Variants in CTBP2 observed in about 807,000 individuals in gnomAD.
CTBP2 encodes C-terminal binding protein 2, also known as C-terminal-binding protein 2.
In CTBP2, 30 loss-of-function variants were observed where a neutral mutation model predicts 80.3. The ratio of observed to expected loss-of-function variants is 0.37; its 90% CI spans 0.28 to 0.51. CTBP2 has a LOEUF of 0.51. Ranked by LOEUF, CTBP2 falls within the 20% of genes least tolerant of loss-of-function variation. The pLI is 0.93. For synonymous variants in CTBP2, 594 were observed against 587.4 expected, an observed-to-expected ratio of 1.01 and a Z score of -0.16; for missense variants, 1,212 against 1,375.3, an observed-to-expected ratio of 0.88 and a Z score of 1.88.
chr10:125,098,273 C>T (rs552256137), intron 2 of CTBP2, among the ~76,000 whole-genome samples: 1 of 152,262 alleles, frequency 6.6e-6, no homozygotes, highest in African/African-American at 2.4e-5. Flanking sequence ...GGACCCAGCA[C>T]GTGTTCAGCT....
chr10:125,147,146 G>A (rs1317476028), intron 1 of CTBP2, among the ~76,000 whole-genome samples: 1 of 152,210 alleles, frequency 6.6e-6, no homozygotes, highest in Non-Finnish European at 1.5e-5. Context: ...TGTGCACAGA[G>A]GGAAGGGCAG....
At chr10:125,069,587 A>T (rs1371905862) in intron 2 of CTBP2, among the ~76,000 whole-genome samples, 1 of 152,312 alleles carries the variant, frequency 6.6e-6, no homozygotes, top group Admixed American at 6.5e-5. Flanking sequence ...GCCATTGCAC[A>T]CCAGCCTGGG....
intron 1 of CTBP2, among the ~76,000 whole-genome samples, chr10:125,123,272 T>C (rs1300341564): frequency 7.2e-5 from 11 of 152,160 alleles, no homozygotes; most frequent in Non-Finnish European, 7.3e-5. Context: ...CGTGCTAAAA[T>C]TGCACAGACT....
intron 4 of CTBP2, among the ~76,000 whole-genome samples, chr10:124,995,423 A>G (rs565457715): frequency 2.6e-5 from 4 of 152,346 alleles, no homozygotes; most frequent in Admixed American, 1.3e-4. Flanking sequence ...TTCCCAGAGC[A>G]GTTTTCAGCA....
At chr10:124,994,436 CAG>C in intron 5 of CTBP2, 31 bp downstream of exon 7, 1 of 1,606,786 alleles carries the variant, frequency 6.2e-7, no homozygotes, top group Non-Finnish European at 8.5e-7. Flanking sequence ...CACCTTTCGA[CAG>C]AAGCTTCCAT....
rs188289050 is a variant in CTBP2 at position 125,132,265 on chromosome 10, A to C, written c.-205-21172T>G. 1.2e-4 allele frequency among the ~76,000 whole-genome samples: 19 copies of C among 152,234 alleles called. No homozygotes were observed. In the East Asian group the frequency reaches 3.7e-3, roughly 29 times the overall value. On this transcript the variant is annotated intron_variant, in intron 1 of 10. Transcript: ENST00000337195. ...AGTCTAAGACATCATCAAACCTTAGACCAGCATCATTTTATAAACCACTAA... is the reference window on the plus strand; with the variant it reads ...AGTCTAAGACATCATCAAACCTTAGCCCAGCATCATTTTATAAACCACTAA...
At chr10:125,003,914 C>T (rs571117967) in intron 1 of CTBP2, among the ~76,000 whole-genome samples, 1 of 152,340 alleles carries the variant, frequency 6.6e-6, no homozygotes, top group Admixed American at 6.5e-5. Flanking sequence ...CCTGCACAAA[C>T]AGGCGGCCTG....
intron 2 of CTBP2, among the ~76,000 whole-genome samples, chr10:125,052,174 T>C (rs576438697): frequency 9.2e-5 from 14 of 152,318 alleles, no homozygotes; most frequent in African/African-American, 2.9e-4. Context: ...GCAGGAAGCC[T>C]GGTTGTGATG....
chr10:125,078,589 G>A (rs1045116654), intron 2 of CTBP2, among the ~76,000 whole-genome samples: 4 of 151,636 alleles, frequency 2.6e-5, no homozygotes, highest in African/African-American at 4.9e-5. Flanking sequence ...TCAAAGTGTC[G>A]GGGGGAAAGT....
At chr10:125,132,918 T>C (rs1410262489) in intron 1 of CTBP2, among the ~76,000 whole-genome samples, 2 of 152,216 alleles carry the variant, frequency 1.3e-5, no homozygotes, top group Non-Finnish European at 2.9e-5. Context: ...TTTAACAGTA[T>C]GGCAAAATGA....
At chr10:125,038,865 T>G (rs1353047068) in intron 3 of CTBP2, 132 bp downstream of exon 3, 2 of 845,706 alleles carry the variant, frequency 2.4e-6, no homozygotes, top group Non-Finnish European at 3.7e-6. Context: ...AGGGTGCCAA[T>G]GGTATGCAGT....
intron 2 of CTBP2, among the ~76,000 whole-genome samples, chr10:125,076,299 G>A (rs1201804172): frequency 6.6e-6 from 1 of 152,214 alleles, no homozygotes; most frequent in African/African-American, 2.4e-5. Flanking sequence ...GGCCCTGGAA[G>A]GCTGGTCCAG....
intron 2 of CTBP2, among the ~76,000 whole-genome samples, chr10:125,077,302 T>C (rs1018944246): frequency 2.0e-5 from 3 of 152,108 alleles, no homozygotes; most frequent in African/African-American, 7.2e-5. Context: ...AGATGCAGGG[T>C]ATAAGACACA....
At chr10:124,997,882 G>A in intron 4 of CTBP2, 82 bp downstream of exon 6, 1 of 1,436,982 alleles carries the variant, frequency 7.0e-7, no homozygotes, top group Non-Finnish European at 9.5e-7. Context: ...GAGCAGGCTG[G>A]GGTTGCCTTT....
rs1360351480 is a variant in CTBP2, at chr10:125,027,677, T to C, written c.83A>G (p.Asn28Ser). 6.2e-7 allele frequency: 1 copy of C among 1,613,920 alleles called. No individual in the cohort carries two copies. Among genetic ancestry groups the C allele is most frequent in the Admixed American group, 1.7e-5 (1 of 60,006 alleles). ...CCCCAGAGGCCGCAGGGACTCGGCG[T>C]TCTCCCAGGGGCCCTCGTACCACCC... Residue 28 changes from asparagine (N) to serine (S), a missense_variant, in exon 1 of 9, where the codon AAC becomes AGC. Transcript: ENST00000309035.
chr10:125,083,290 C>T (rs1288100450), intron 2 of CTBP2, among the ~76,000 whole-genome samples: 2 of 152,194 alleles, frequency 1.3e-5, no homozygotes, highest in East Asian at 3.9e-4. Context: ...TCAGAAAAGC[C>T]TCTCTTGATT....
chr10:125,064,605 C>T (rs180819149), intron 2 of CTBP2, among the ~76,000 whole-genome samples: 285 of 152,298 alleles, frequency 1.9e-3, no homozygotes, highest in Non-Finnish European at 3.3e-3. Context: ...AGTCAGAGTG[C>T]GTGCTCTGAA....
At chr10:125,063,200 C>T (rs967076331) in intron 2 of CTBP2, among the ~76,000 whole-genome samples, 8 of 152,218 alleles carry the variant, frequency 5.3e-5, no homozygotes, top group Admixed American at 1.3e-4. Flanking sequence ...TATCCTTCTA[C>T]GAAGCAATCT....
chr10:125,156,791 T>G (rs372261156), intron 1 of CTBP2, among the ~76,000 whole-genome samples: 162 of 152,372 alleles, frequency 1.1e-3, no homozygotes, highest in African/African-American at 3.7e-3. Flanking sequence ...TTAATCTCTC[T>G]TTGAAACATT....
Sources: allele counts gnomAD v4.1 joint callset (sites outside exome capture counted in the v4.1 genomes callset), GRCh38; gene constraint gnomAD v4.1.1; transcripts MANE v1.5; gene names NCBI Gene and HGNC (gene_info 2026-07-23, HGNC 2026-07-21).